Variants in AGO3 observed in about 807,000 individuals in gnomAD.
The protein encoded by AGO3 is protein argonaute-3.
AGO3 carries 16 observed loss-of-function variants against 105.5 expected under a neutral mutation model. The ratio of observed to expected loss-of-function variants is 0.15; its 90% CI spans 0.10 to 0.23. AGO3 has a LOEUF of 0.23. AGO3 is among the 10% of genes least tolerant of loss of function. AGO3 has a pLI of 1.00. For synonymous variants in AGO3, 340 were observed against 367.3 expected, an observed-to-expected ratio of 0.93 and a Z score of 0.85; for missense variants, 534 against 1,088.0, an observed-to-expected ratio of 0.49 and a Z score of 7.16.
chr1:35,948,486 C>A (rs1172031413), intron 2 of AGO3, among the ~76,000 whole-genome samples: 6 of 147,448 alleles, frequency 4.1e-5, no homozygotes, highest in Non-Finnish European at 4.5e-5. Context: ...CCACCGCCGG[C>A]CTCCCAAAGT....
At chr1:35,977,126 G>A (rs1646968289) in intron 5 of AGO3, among the ~76,000 whole-genome samples, 1 of 150,964 alleles carries the variant, frequency 6.6e-6, no homozygotes, top group Non-Finnish European at 1.5e-5. Flanking sequence ...GTAACATAAA[G>A]AAAGGATAAA....
intron 5 of AGO3, among the ~76,000 whole-genome samples, chr1:36,003,728 ATATATATATATG>A (rs1640216923): frequency 1.4e-5 from 2 of 142,936 alleles, no homozygotes; most frequent in East Asian, 4.0e-4. Context: ...ATATATATAT[ATATATATATATG>A]TATATTTGTA....
Position 36,048,908 on chromosome 1 carries a change from A to G in AGO3, c.2274+5360A>G, listed in dbSNP as rs570550480. Among the ~76,000 whole-genome samples, 8 of 152,244 alleles carry G rather than the reference A, an allele frequency of 5.3e-5. No individual in the cohort carries two copies. The South Asian group carries it at 1.5e-3, about 28-fold the overall frequency. On this transcript the variant is annotated intron_variant, in intron 17 of 18. Coordinates refer to ENST00000373191, the MANE Select transcript of AGO3 (RefSeq NM_024852.4). ...ATTTTTGTAGAGACGGGATATCACT[A>G]TGTTGCCCAGACTGGTCTTGAATCC...
intron 5 of AGO3, among the ~76,000 whole-genome samples, chr1:35,998,568 C>T (rs572827725): frequency 4.1e-4 from 62 of 152,158 alleles, no homozygotes; most frequent in African/African-American, 1.5e-3. Flanking sequence ...CAGCTTGTTA[C>T]CCTTAAAGTT....
At chr1:36,025,856 G>C (rs1641476517) in intron 11 of AGO3, among the ~76,000 whole-genome samples, 1 of 152,020 alleles carries the variant, frequency 6.6e-6, no homozygotes, top group African/African-American at 2.4e-5. Context: ...TGACCAACAT[G>C]GTGAAACCCC....
chr1:36,059,731 G>A lies in AGO3; in HGVS notation c.*3986G>A, dbSNP rs1198441795. 2 of 152,070 alleles carry A rather than the reference G, an allele frequency of 1.3e-5. No individual in the cohort carries two copies. The highest frequency in any genetic ancestry group is 4.8e-5 in the African/African-American group (2 of 41,414). 9.4% of individuals were successfully genotyped at this position (152,070 alleles called of 1,614,324 possible). A position where few individuals can be genotyped will look rare whatever the true frequency, so the allele number is the denominator to read the frequency against. Reference sequence around the variant, plus strand: ...ATATTTATTTAAGTAGATTCTGACAGTTACTGCACTAAACAGTAAGGAGAT... The same window carrying A: ...ATATTTATTTAAGTAGATTCTGACAATTACTGCACTAAACAGTAAGGAGAT... On this transcript the variant is annotated 3_prime_UTR_variant, in exon 19 of 19. Transcript: ENST00000373191.
At chr1:36,042,533 A>G (rs1054144821) in intron 16 of AGO3, among the ~76,000 whole-genome samples, 3 of 152,242 alleles carry the variant, frequency 2.0e-5, no homozygotes, top group Admixed American at 1.3e-4. Context: ...CCACACCACT[A>G]TAATTCAAGG....
intron 3 of AGO3, among the ~76,000 whole-genome samples, chr1:35,970,531 A>G (rs1646846525): frequency 6.6e-6 from 1 of 152,154 alleles, no homozygotes; most frequent in Non-Finnish European, 1.5e-5. Context: ...TTTTGTATGC[A>G]ATTCTTCTAA....
rs1369878647 is a variant in AGO3 at position 35,985,557 on chromosome 1, G to A, written c.658+12046G>A. ...CTGATGTAGTGTTTCAGATCAGTAG[G>A]GAAAGAGTAGAATATTTAATAAATT... On this transcript the variant is annotated intron_variant, in intron 5 of 18. Transcript: ENST00000373191. Among the ~76,000 whole-genome samples, 3 of 152,046 alleles carry A rather than the reference G, an allele frequency of 2.0e-5. No individual in the cohort carries two copies. In the East Asian group the frequency reaches 5.8e-4, roughly 29 times the overall value.
chr1:35,986,482 AG>A (rs1647184837), intron 5 of AGO3, among the ~76,000 whole-genome samples: 1 of 152,150 alleles, frequency 6.6e-6, no homozygotes, highest in Non-Finnish European at 1.5e-5. Flanking sequence ...TGAGGCCAGG[AG>A]TTCAAGACCA....
intron 2 of AGO3, among the ~76,000 whole-genome samples, chr1:35,946,162 A>T (rs1229646106): frequency 6.6e-6 from 1 of 152,066 alleles, no homozygotes; most frequent in Non-Finnish European, 1.5e-5. Context: ...CCTTGCTGTT[A>T]GGTAATATGT....
chr1:35,972,506 C>G (rs1445053985), intron 4 of AGO3, among the ~76,000 whole-genome samples: 1 of 152,166 alleles, frequency 6.6e-6, no homozygotes, highest in African/African-American at 2.4e-5. Flanking sequence ...AAAGTCTTAA[C>G]AGATCTATTT....
chr1:35,987,744 GA>G (rs1285277712), intron 5 of AGO3, among the ~76,000 whole-genome samples: 3 of 151,164 alleles, frequency 2.0e-5, no homozygotes, highest in Non-Finnish European at 4.4e-5. Context: ...GTGCCATTGG[GA>G]GGCAAAAAAA....
chr1:35,945,226 A>T (rs1455582010), intron 1 of AGO3, among the ~76,000 whole-genome samples: 9 of 138,858 alleles, frequency 6.5e-5, no homozygotes, highest in African/African-American at 9.3e-5. Context: ...TTTTTTTTTT[A>T]AATAGAGACA....
At chr1:35,942,590 T>G (rs1646275475) in intron 1 of AGO3, among the ~76,000 whole-genome samples, 1 of 152,218 alleles carries the variant, frequency 6.6e-6, no homozygotes, top group Non-Finnish European at 1.5e-5. Flanking sequence ...TTTTAAGATT[T>G]TTTTAATGTA....
At chr1:36,034,735 A>G (rs1641930351) in intron 13 of AGO3, among the ~76,000 whole-genome samples, 1 of 152,168 alleles carries the variant, frequency 6.6e-6, no homozygotes, top group Non-Finnish European at 1.5e-5. Flanking sequence ...AAGAATTTTC[A>G]CTTTATTTGG....
chr1:36,037,110 G>A (rs1642045940), intron 14 of AGO3, among the ~76,000 whole-genome samples: 1 of 152,126 alleles, frequency 6.6e-6, no homozygotes, highest in Non-Finnish European at 1.5e-5. Flanking sequence ...ATAAACTTGA[G>A]AAAGCTTGAT....
intron 3 of AGO3, among the ~76,000 whole-genome samples, chr1:35,970,182 G>A (rs1646839969): frequency 6.6e-6 from 1 of 152,160 alleles, no homozygotes; most frequent in African/African-American, 2.4e-5. Context: ...CACAGCTGCT[G>A]GGGTATATGT....
At chr1:35,994,570 T>C (rs1648084610) in intron 5 of AGO3, among the ~76,000 whole-genome samples, 1 of 142,358 alleles carries the variant, frequency 7.0e-6, no homozygotes, top group Admixed American at 7.2e-5. Context: ...AGGCATAATT[T>C]GTAAAGGAAG....
Sources: allele counts gnomAD v4.1 joint callset (sites outside exome capture counted in the v4.1 genomes callset), GRCh38; gene constraint gnomAD v4.1.1; transcripts MANE v1.5; gene names NCBI Gene and HGNC (gene_info 2026-07-23, HGNC 2026-07-21).